Variants in PDE11A observed in about 807,000 individuals in gnomAD.
PDE11A encodes the protein dual 3',5'-cyclic-AMP and -GMP phosphodiesterase 11A.
In PDE11A, 100 loss-of-function variants were observed where a neutral mutation model predicts 100.5. That is an observed-to-expected ratio of 1.00 (90% CI 0.85 to 1.18). The LOEUF is 1.18. Ranked by LOEUF, PDE11A falls within the 50% of genes most tolerant of loss-of-function variation. The pLI, the probability that PDE11A is intolerant of heterozygous loss-of-function variation, is 0.00. For missense variants in PDE11A, 1,141 were observed against 1,152.6 expected, an observed-to-expected ratio of 0.99 and a Z score of 0.15; for synonymous variants, 381 against 420.8, an observed-to-expected ratio of 0.91 and a Z score of 1.16.
chr2:177,712,864 T>C (rs2081376668), intron 12 of PDE11A, among the ~76,000 whole-genome samples: 1 of 152,182 alleles, frequency 6.6e-6, no homozygotes, highest in Non-Finnish European at 1.5e-5. Flanking sequence ...ACAAATTGCT[T>C]CACTTTTCAT....
chr2:178,090,619 C>T (rs2087411578), intron 2 of PDE11A, among the ~76,000 whole-genome samples: 1 of 152,110 alleles, frequency 6.6e-6, no homozygotes, highest in African/African-American at 2.4e-5. Flanking sequence ...TGTATAAATC[C>T]AAACTGTAAT....
chr2:177,644,483 A>G (rs2080191007), intron 19 of PDE11A, among the ~76,000 whole-genome samples: 1 of 152,198 alleles, frequency 6.6e-6, no homozygotes, highest in African/African-American at 2.4e-5. Flanking sequence ...TGTATTTATC[A>G]AATGCCTATA....
chr2:177,829,575 T>C (rs6747480), intron 6 of PDE11A, among the ~76,000 whole-genome samples: 147,334 of 151,106 alleles, frequency 0.98, 71,934 homozygotes, highest in Middle Eastern at 1. Flanking sequence ...TCCTGAGTAG[T>C]TGGGACTACA....
At chr2:177,650,010 C>A (rs2080284927) in intron 19 of PDE11A, among the ~76,000 whole-genome samples, 1 of 152,046 alleles carries the variant, frequency 6.6e-6, no homozygotes, top group South Asian at 2.1e-4. Context: ...CCACAAAGAT[C>A]AAAAAAATTT....
At chr2:178,079,485 G>C (rs1320950284) in intron 2 of PDE11A, among the ~76,000 whole-genome samples, 1 of 152,046 alleles carries the variant, frequency 6.6e-6, no homozygotes, top group East Asian at 1.9e-4. Flanking sequence ...CCTTTTCATG[G>C]CTGCATAGTA....
At chr2:177,802,668 A>G (rs2082810766) in intron 9 of PDE11A, among the ~76,000 whole-genome samples, 1 of 152,084 alleles carries the variant, frequency 6.6e-6, no homozygotes, top group South Asian at 2.1e-4. Flanking sequence ...AAAGAATCAG[A>G]ACACTGGTTG....
chr2:177,741,668 C>T (rs1278698848), intron 10 of PDE11A, among the ~76,000 whole-genome samples: 3 of 152,128 alleles, frequency 2.0e-5, no homozygotes, highest in Non-Finnish European at 4.4e-5. Flanking sequence ...GGAACTGCAC[C>T]ATATTCACTC....
chr2:177,700,664 T>C lies in PDE11A; in HGVS notation c.2244+457A>G, dbSNP rs577832128. ...GTCCCACCAGCAATTTTAAGTTCTT[T>C]TAAGTTGTATAGTTTCTCAATTGTG... On this transcript the variant is annotated intron_variant, in intron 14 of 19. Transcript: ENST00000286063. Among the ~76,000 whole-genome samples the C allele has an allele frequency of 2.3e-4, 35 of 152,330 alleles. 1 individual carries two copies. The East Asian group carries it at 6.2e-3, about 27-fold the overall frequency.
At chr2:177,769,158 C>T (rs570227383) in intron 10 of PDE11A, among the ~76,000 whole-genome samples, 165 bp downstream of exon 10, 1 of 152,246 alleles carries the variant, frequency 6.6e-6, no homozygotes, top group African/African-American at 2.4e-5. Context: ...ATACAAAAGT[C>T]CTTCTTCCCC....
intron 12 of PDE11A, among the ~76,000 whole-genome samples, chr2:177,721,063 A>T (rs2081519281): frequency 6.6e-6 from 1 of 152,186 alleles, no homozygotes; most frequent in African/African-American, 2.4e-5. Context: ...TTTTATATAT[A>T]ACTTTATTAT....
intron 2 of PDE11A, among the ~76,000 whole-genome samples, chr2:177,941,627 C>T (rs1400829961): frequency 6.6e-6 from 1 of 152,152 alleles, no homozygotes; most frequent in Non-Finnish European, 1.5e-5. Context: ...CTGGAATTAC[C>T]TTTATTTGAC....
At chr2:178,046,424 A>G (rs181009283) in intron 1 of PDE11A, among the ~76,000 whole-genome samples, 88 of 152,362 alleles carry the variant, frequency 5.8e-4, no homozygotes, top group African/African-American at 2.1e-3. Context: ...TAGATTGTCT[A>G]AGAAATTATA....
chr2:177,997,421 T>C, intron 2 of PDE11A: 1 of 827,196 alleles, frequency 1.2e-6, no homozygotes, highest in Non-Finnish European at 2.2e-6. Flanking sequence ...AATCTCAACC[T>C]TTTATACAGG....
intron 3 of PDE11A, among the ~76,000 whole-genome samples, chr2:177,900,490 T>C (rs886615166): frequency 6.6e-6 from 1 of 152,250 alleles, no homozygotes; most frequent in Non-Finnish European, 1.5e-5. Context: ...GTGTGGTGGC[T>C]CATGCCAATA....
intron 4 of PDE11A, chr2:177,888,481 G>A (rs542913175): frequency 1.1e-4 from 16 of 152,282 alleles, no homozygotes; most frequent in Non-Finnish European, 7.3e-5. Flanking sequence ...CATACCAAAT[G>A]GATGTAAAAA....
chr2:177,897,970 G>C, intron 4 of PDE11A, 88 bp downstream of exon 4: 1 of 1,140,306 alleles, frequency 8.8e-7, no homozygotes, highest in Non-Finnish European at 1.3e-6. Context: ...AGTGAATCAA[G>C]TCACAATTTC....
chr2:177,901,990 G>A (rs1279857261), intron 3 of PDE11A, among the ~76,000 whole-genome samples: 2 of 152,122 alleles, frequency 1.3e-5, no homozygotes, highest in African/African-American at 2.4e-5. Flanking sequence ...AATGAGTGAT[G>A]GAAGTTTTAC....
chr2:177,933,015 C>T (rs1027719697), intron 2 of PDE11A, among the ~76,000 whole-genome samples: 1 of 151,236 alleles, frequency 6.6e-6, no homozygotes, highest in Non-Finnish European at 1.5e-5. Context: ...TTCTTTACAC[C>T]AATAATGTAT....
chr2:178,039,634 C>A (rs987830155), intron 1 of PDE11A, among the ~76,000 whole-genome samples: 1 of 150,590 alleles, frequency 6.6e-6, no homozygotes, highest in East Asian at 2.0e-4. Flanking sequence ...ATGCCCATAG[C>A]AACATTACTG....
Sources: allele counts gnomAD v4.1 joint callset (sites outside exome capture counted in the v4.1 genomes callset), GRCh38; gene constraint gnomAD v4.1.1; transcripts MANE v1.5; gene names NCBI Gene and HGNC (gene_info 2026-07-23, HGNC 2026-07-21).